Variants in ANKRD55 observed in about 807,000 individuals in gnomAD.
The protein encoded by ANKRD55 is ankyrin repeat domain 55, also known as ankyrin repeat domain-containing protein 55.
In ANKRD55, 41 loss-of-function variants were observed where a neutral mutation model predicts 60.6. That is an observed-to-expected ratio of 0.68 (90% CI 0.53 to 0.88). ANKRD55 has a LOEUF of 0.88. Among genes scored for constraint, ANKRD55 ranks in the 40% least tolerant of loss-of-function variants. ANKRD55 has a pLI of 0.00. For missense variants in ANKRD55, 732 were observed against 767.6 expected (o/e 0.95, Z 0.55); for synonymous variants, 264 against 290.3 (o/e 0.91, Z 0.92).
chr5:56,159,710 G>C, intron 6 of ANKRD55, 123 bp downstream of exon 6: 2 of 940,678 alleles, frequency 2.1e-6, no homozygotes, highest in South Asian at 2.9e-5. Context: ...TTCAGGGTAG[G>C]AACACAGAAC....
intron 9 of ANKRD55, 89 bp from the exon 10 acceptor site, chr5:56,111,871 C>T: frequency 1.6e-6 from 2 of 1,255,252 alleles, no homozygotes; most frequent in Non-Finnish European, 2.1e-6. Flanking sequence ...ATTCCACATG[C>T]TTCATCAGGT....
At chr5:56,167,148 T>A (rs1267176281) in intron 5 of ANKRD55, among the ~76,000 whole-genome samples, 3 of 152,224 alleles carry the variant, frequency 2.0e-5, no homozygotes, top group African/African-American at 7.2e-5. Flanking sequence ...CATTTAATGA[T>A]GGGAATACTT....
Position 56,166,747 on chromosome 5 carries a change from T to G in ANKRD55, c.422+3947A>C, listed in dbSNP as rs554248293. Among the ~76,000 whole-genome samples the G allele has an allele frequency of 2.6e-5, 4 of 152,214 alleles. No homozygotes were observed. The East Asian group carries it at 7.7e-4, about 29-fold the overall frequency. On this transcript the variant is annotated intron_variant, in intron 5 of 11. Transcript: ENST00000341048. ...TAAATATATAAAGAAAGAAACATGC[T>G]CTGAAGTCACAGTGTCTGTATAGTA...
chr5:56,186,597 G>A (rs1273931585), intron 2 of ANKRD55, among the ~76,000 whole-genome samples: 2 of 152,160 alleles, frequency 1.3e-5, no homozygotes, highest in Non-Finnish European at 2.9e-5. Context: ...ATATAATAGT[G>A]TATATATTTG....
chr5:56,190,462 A>G (rs1033609373), intron 2 of ANKRD55, among the ~76,000 whole-genome samples: 1 of 152,034 alleles, frequency 6.6e-6, no homozygotes, highest in African/African-American at 2.4e-5. Context: ...TTTAGGTCTT[A>G]TGTTTGGGTC....
chr5:56,207,072 C>T (rs529948571), intron 2 of ANKRD55, among the ~76,000 whole-genome samples: 4 of 152,226 alleles, frequency 2.6e-5, no homozygotes, highest in Non-Finnish European at 4.4e-5. Flanking sequence ...TTGTTGCTCA[C>T]TTACTAAGTG....
chr5:56,111,716 G>A lies in ANKRD55; in HGVS notation c.1032C>T (p.Asn344=), dbSNP rs758720159. ...SRPQKKERRF[N]VLNQIFCKNK... ...TTTTGCAGAATATTTGGTTGAGCAC[G>A]TTGAACCGTCTCTCCTTCTTCTGGG... Residue 344 remains asparagine (N), a synonymous_variant, in exon 10 of 12, where the codon AAC becomes AAT. Transcript: ENST00000341048. The A allele has an allele frequency of 4.6e-6, 7 of 1,519,350 alleles. No homozygotes were observed. Among genetic ancestry groups the A allele is most frequent in the Non-Finnish European group, 6.1e-6 (7 of 1,138,614 alleles). 94.1% of individuals were successfully genotyped at this position (1,519,350 alleles called of 1,614,324 possible).
intron 2 of ANKRD55, among the ~76,000 whole-genome samples, chr5:56,206,633 G>A (rs911914328): frequency 6.6e-5 from 10 of 152,064 alleles, no homozygotes; most frequent in African/African-American, 2.4e-4. Context: ...GTGTACCTCT[G>A]CTCTTTCCAT....
chr5:56,160,083 C>T (rs1274678987), intron 5 of ANKRD55, among the ~76,000 whole-genome samples, 190 bp from the exon 6 acceptor site: 1 of 152,142 alleles, frequency 6.6e-6, no homozygotes, highest in African/African-American at 2.4e-5. Context: ...TAGAAGACAC[C>T]TGTGTGGAGG....
At chr5:56,182,703 A>T (rs1175033647) in intron 3 of ANKRD55, among the ~76,000 whole-genome samples, 1 of 152,028 alleles carries the variant, frequency 6.6e-6, no homozygotes, top group Non-Finnish European at 1.5e-5. Context: ...TAAACCTTTT[A>T]TTTTAGCTGG....
chr5:56,232,174 TAC>T lies in ANKRD55; in HGVS notation c.58+680_58+681del, dbSNP rs559295905. 3.1e-4 allele frequency among the ~76,000 whole-genome samples: 47 copies of T among 152,362 alleles called. No homozygotes were observed. The South Asian group carries it at 8.3e-3, about 27-fold the overall frequency. On this transcript the variant is annotated intron_variant, in intron 2 of 11. Transcript: ENST00000341048. ...AAACACATTGCATATGCAAAATGTA[TAC>T]ACATAGACCACATGGCCAAATATGT...
At chr5:56,165,138 A>G (rs1361412480) in intron 5 of ANKRD55, among the ~76,000 whole-genome samples, 1 of 152,234 alleles carries the variant, frequency 6.6e-6, no homozygotes, top group Non-Finnish European at 1.5e-5. Context: ...CAGATTTTAA[A>G]TCAGTATAAA....
At chr5:56,108,266 A>ACAG (rs752617414) in intron 10 of ANKRD55, 14 of 152,186 alleles carry the variant, frequency 9.2e-5, no homozygotes, top group Admixed American at 3.3e-4. Flanking sequence ...TGTAAAAGAG[A>ACAG]CAGGCCAAGG....
chr5:56,206,818 A>G (rs42919), intron 2 of ANKRD55, among the ~76,000 whole-genome samples: 58,621 of 152,062 alleles, frequency 0.39, 13,281 homozygotes, highest in African/African-American at 0.63. Flanking sequence ...GCAAGGCCAG[A>G]AAACAAAGAA....
At chr5:56,114,616 C>T (rs1454747824) in intron 9 of ANKRD55, among the ~76,000 whole-genome samples, 1 of 151,982 alleles carries the variant, frequency 6.6e-6, no homozygotes, top group East Asian at 1.9e-4. Flanking sequence ...TCCAAATGAC[C>T]AATGCAAGGT....
intron 10 of ANKRD55, among the ~76,000 whole-genome samples, chr5:56,105,599 A>G (rs184964540): frequency 1.2e-3 from 179 of 152,342 alleles, no homozygotes; most frequent in Admixed American, 2.4e-3. Flanking sequence ...AAACTGAGAC[A>G]TATTCAAGGA....
In ANKRD55 at chr5:56,153,729, C is replaced by T. The variant is rs963883784; in HGVS notation, c.483+6104G>A. On this transcript the variant is annotated intron_variant, in intron 6 of 11. Transcript: ENST00000341048. ...GTGGGTGCCTGTAATCCCAGCTACT[C>T]GGGAGGCTGAGGCAGGAGAATGGTG... is the stretch of plus-strand genomic sequence containing the variant. 2.2e-3 allele frequency among the ~76,000 whole-genome samples: 334 copies of T among 149,442 alleles called. 2 individuals are homozygous for T. Among genetic ancestry groups the T allele is most frequent in the Non-Finnish European group, 1.2e-3 (82 of 67,178 alleles).
intron 2 of ANKRD55, among the ~76,000 whole-genome samples, chr5:56,188,834 ATAAAACGTTT>A (rs1408931258): frequency 1.3e-5 from 2 of 152,204 alleles, no homozygotes; most frequent in African/African-American, 4.8e-5. Context: ...GTTCTGACTG[ATAAAACGTTT>A]TAAAAAAGAA....
chr5:56,161,929 A>G, intron 5 of ANKRD55: 2 of 963,448 alleles, frequency 2.1e-6, no homozygotes, highest in Non-Finnish European at 2.5e-6. Context: ...CAATTATTTC[A>G]CCACTGGATA....
Sources: gnomAD v4.1 joint callset for allele counts (sites outside exome capture counted in the v4.1 genomes callset) on GRCh38, gnomAD v4.1.1 for gene constraint, MANE v1.5 for transcripts, NCBI Gene and HGNC (gene_info 2026-07-23, HGNC 2026-07-21) for gene names.